SPON1: variants seen among roughly 807,000 people sequenced by gnomAD.
The protein encoded by SPON1 is spondin-1.
SPON1 carries 52 observed loss-of-function variants against 111.7 expected under a neutral mutation model. The ratio of observed to expected loss-of-function variants is 0.47; its 90% CI spans 0.37 to 0.59. SPON1 has a LOEUF of 0.59. SPON1 is among the 20% of genes least tolerant of loss of function. The pLI, the probability that SPON1 is intolerant of heterozygous loss-of-function variation, is 0.00. For synonymous variants in SPON1, 410 were observed against 395.8 expected (o/e 1.04, Z -0.43); for missense variants, 957 against 1,068.5 (o/e 0.90, Z 1.46).
At chr11:14,215,885 G>A (rs1848620946) in intron 6 of SPON1, among the ~76,000 whole-genome samples, 1 of 152,138 alleles carries the variant, frequency 6.6e-6, no homozygotes, top group Non-Finnish European at 1.5e-5. Context: ...CTCAAGTGGT[G>A]GGAAAGGGAA....
chr11:14,134,857 C>T (rs1222199609), intron 5 of SPON1: 3 of 152,342 alleles, frequency 2.0e-5, no homozygotes, highest in Non-Finnish European at 4.4e-5. Flanking sequence ...CAAGGCCATT[C>T]ATGAGCCAGC....
At chr11:14,128,332 A>G (rs1554927215) in intron 5 of SPON1, among the ~76,000 whole-genome samples, 1 of 152,190 alleles carries the variant, frequency 6.6e-6, no homozygotes, top group Non-Finnish European at 1.5e-5. Flanking sequence ...CCCATTCCAA[A>G]TGGGAGAAAT....
chr11:13,976,780 G>A (rs1052262340), intron 1 of SPON1, among the ~76,000 whole-genome samples: 1 of 152,166 alleles, frequency 6.6e-6, no homozygotes, highest in Non-Finnish European at 1.5e-5. Context: ...CATGTAACCA[G>A]CACCCAGATC....
At chr11:14,170,423 T>C (rs1215387528) in intron 6 of SPON1, among the ~76,000 whole-genome samples, 2 of 152,262 alleles carry the variant, frequency 1.3e-5, no homozygotes, top group Admixed American at 6.5e-5. Flanking sequence ...TCTAGATATA[T>C]AATCATGTCA....
chr11:14,091,837 G>A (rs937132431), intron 5 of SPON1, among the ~76,000 whole-genome samples: 1 of 152,216 alleles, frequency 6.6e-6, no homozygotes, highest in African/African-American at 2.4e-5. Flanking sequence ...CCAGGCAGGG[G>A]AGGTGCCGAG....
chr11:14,207,845 A>G (rs1848532135), intron 6 of SPON1, among the ~76,000 whole-genome samples: 1 of 152,354 alleles, frequency 6.6e-6, no homozygotes, highest in East Asian at 1.9e-4. Flanking sequence ...CAGCAATCCC[A>G]TTACTGGGTA....
intron 10 of SPON1, among the ~76,000 whole-genome samples, chr11:14,257,424 G>A (rs1272479983): frequency 6.6e-6 from 1 of 152,200 alleles, no homozygotes; most frequent in Non-Finnish European, 1.5e-5. Context: ...GCCTGCATGT[G>A]TCTGGAAACA....
intron 6 of SPON1, among the ~76,000 whole-genome samples, chr11:14,199,900 C>G (rs1554935438): frequency 3.9e-5 from 6 of 152,224 alleles, no homozygotes; most frequent in Non-Finnish European, 8.8e-5. Flanking sequence ...CTATTCACAT[C>G]TGCAACCTCA....
At chr11:14,073,313 A>G (rs1280533581) in intron 3 of SPON1, among the ~76,000 whole-genome samples, 2 of 152,126 alleles carry the variant, frequency 1.3e-5, no homozygotes, top group Admixed American at 6.5e-5. Flanking sequence ...GCTGCCAATA[A>G]ATGTTTTAAC....
chr11:14,014,714 TAAAGGACACA>T lies in SPON1; in HGVS notation c.346-26803_346-26794del, dbSNP rs1243434988. 5.9e-5 allele frequency among the ~76,000 whole-genome samples: 9 copies of T among 152,254 alleles called. No individual in the cohort carries two copies. In the South Asian group the frequency reaches 8.3e-4, roughly 14 times the overall value. ...ACCTGCCATATCTTCAACTGTAAAC[TAAAGGACACA>T]AAACACAGGAAGCATTTCCAAGGGA... is the stretch of plus-strand genomic sequence containing the variant. On this transcript the variant is annotated intron_variant, in intron 2 of 15. Coordinates refer to ENST00000576479, the MANE Select transcript of SPON1 (RefSeq NM_006108.4).
chr11:13,999,198 C>T (rs905423317), intron 2 of SPON1, among the ~76,000 whole-genome samples: 1 of 152,036 alleles, frequency 6.6e-6, no homozygotes, highest in Non-Finnish European at 1.5e-5. Flanking sequence ...AGTATACATT[C>T]GTATAAAGAA....
rs1848639195 is a variant in SPON1 at position 14,217,638 on chromosome 11, T to G, written c.826-25694T>G. Among the ~76,000 whole-genome samples, 3 of 149,296 alleles carry G rather than the reference T, an allele frequency of 2.0e-5. No homozygotes were observed. In the South Asian group the frequency reaches 6.2e-4, roughly 31 times the overall value. On this transcript the variant is annotated intron_variant, in intron 6 of 15. Coordinates refer to ENST00000576479, the MANE Select transcript of SPON1 (RefSeq NM_006108.4). ...TGAAGACAGTATGTCAGAAAAAACA[T>G]GGATTTTTTTTTTTTACTCAAAAAG...
chr11:14,000,539 G>T (rs1448265931), intron 2 of SPON1, among the ~76,000 whole-genome samples: 2 of 152,288 alleles, frequency 1.3e-5, no homozygotes, highest in East Asian at 3.9e-4. Context: ...ATATATAGCT[G>T]CCAATTTATT....
intron 6 of SPON1, among the ~76,000 whole-genome samples, chr11:14,234,138 C>T (rs963624949): frequency 6.6e-6 from 1 of 152,184 alleles, no homozygotes; most frequent in African/African-American, 2.4e-5. Context: ...ACTACCCTTA[C>T]AGGTTGAGGC....
At chr11:14,255,860 C>T in intron 9 of SPON1, 73 bp downstream of exon 9, 3 of 1,498,870 alleles carry the variant, frequency 2.0e-6, no homozygotes, top group Non-Finnish European at 2.7e-6. Flanking sequence ...CACCCTTCTG[C>T]TCTAGAATCA....
chr11:13,975,819 G>A (rs1430890018), intron 1 of SPON1, among the ~76,000 whole-genome samples: 1 of 152,152 alleles, frequency 6.6e-6, no homozygotes, highest in African/African-American at 2.4e-5. Context: ...CATTGTTCCT[G>A]AGGACCAGCT....
intron 6 of SPON1, among the ~76,000 whole-genome samples, chr11:14,204,766 G>A (rs1848499975): frequency 6.6e-6 from 1 of 151,744 alleles, no homozygotes. Context: ...CTTACTGCAA[G>A]CTCCGCCTCC....
chr11:14,195,985 A>G (rs1333258763), intron 6 of SPON1, among the ~76,000 whole-genome samples: 2 of 152,308 alleles, frequency 1.3e-5, no homozygotes, highest in Non-Finnish European at 2.9e-5. Flanking sequence ...TCTGTTTCTA[A>G]TAAGAGCAGT....
In SPON1 at chr11:14,224,620, A is replaced by G. The variant is rs1848716951; in HGVS notation, c.826-18712A>G. 3.7e-5 allele frequency: 9 copies of G among 245,042 alleles called. No individual in the cohort carries two copies. In the South Asian group the frequency reaches 5.3e-4, roughly 14 times the overall value. 15.2% of individuals were successfully genotyped at this position (245,042 alleles called of 1,614,324 possible). ...ACCTTAAAGGACTGTTAGTATGCAGATGAGATAATGCATGTAGCACTCTCA... is the reference window on the plus strand; with the variant it reads ...ACCTTAAAGGACTGTTAGTATGCAGGTGAGATAATGCATGTAGCACTCTCA... On this transcript the variant is annotated intron_variant, in intron 6 of 15. Coordinates refer to ENST00000576479, the MANE Select transcript of SPON1 (RefSeq NM_006108.4).
Sources: allele counts gnomAD v4.1 joint callset (sites outside exome capture counted in the v4.1 genomes callset), GRCh38; gene constraint gnomAD v4.1.1; transcripts MANE v1.5; gene names NCBI Gene and HGNC (gene_info 2026-07-23, HGNC 2026-07-21).